The following MIOS variants were observed in gnomAD, a reference collection of about 807,000 sequenced individuals.
The protein encoded by MIOS is GATOR2 complex protein MIOS.
In MIOS, 52 loss-of-function variants were observed where a neutral mutation model predicts 96.9. The ratio of observed to expected loss-of-function variants is 0.54; its 90% CI spans 0.43 to 0.68. MIOS has a LOEUF of 0.68. Ranked by LOEUF, MIOS falls within the 30% of genes least tolerant of loss-of-function variation. MIOS has a pLI of 0.00. For synonymous variants in MIOS, 397 were observed against 359.5 expected (o/e 1.10, Z -1.18); for missense variants, 1,005 against 1,052.8 (o/e 0.95, Z 0.63).
At position 7,572,823 on chromosome 7, in the gene MIOS, T is replaced by A; in HGVS notation, c.348T>A (p.Cys116Ter). 1 of 1,614,176 alleles carries A rather than the reference T, an allele frequency of 6.2e-7. No homozygotes were observed. The highest frequency in any genetic ancestry group is 8.5e-7 in the Non-Finnish European group (1 of 1,179,992). The change falls in exon 4 of 13, where the codon TGT becomes TGA. Residue 116 changes from cysteine (C) to a stop codon, truncating the protein, a stop_gained. Transcript: ENST00000340080. LOFTEE classifies it high-confidence loss of function. This position sits in a 1 kb window ranked among gnomAD's most constrained non-coding sequence, Gnocchi z 4.8. ...KEFVPKHARQ[C>*]NTLAWNPLDS... ...TTGTTCCAAAACATGCACGACAATG[T>A]AATACCCTTGCCTGGAATCCACTGG...
At chr7:7,582,981 T>G in intron 5 of MIOS, 137 bp from the exon 6 acceptor site, 2 of 986,494 alleles carry the variant, frequency 2.0e-6, no homozygotes, top group Non-Finnish European at 2.9e-6. Flanking sequence ...TGTGGCATAG[T>G]TCATATTTAC....
rs372634070 is a variant in MIOS, at chr7:7,597,517, T to TAAATAAAA, written c.2401+1056_2401+1057insAAATAAAA. Among the ~76,000 whole-genome samples the TAAATAAAA allele has an allele frequency of 2.8e-5, 2 of 70,428 alleles. 1 individual carries two copies. The highest frequency in any genetic ancestry group is 5.5e-5 in the Non-Finnish European group (2 of 36,506). 46.2% of individuals were successfully genotyped at this position (70,428 alleles called of 152,430 possible). A position where few individuals can be genotyped will look rare whatever the true frequency, so the allele number is the denominator to read the frequency against. On this transcript the variant is annotated intron_variant, in intron 11 of 12. Transcript: ENST00000340080. ...ATATATATATATATATATATATATATGAAGGCAATACGTAATGTTTTAAAT... is the reference window on the plus strand; with the variant it reads ...ATATATATATATATATATATATATATAAATAAAAGAAGGCAATACGTAATGTTTTAAAT...
chr7:7,580,434 G>C (rs1352241174), intron 5 of MIOS, among the ~76,000 whole-genome samples: 3 of 152,034 alleles, frequency 2.0e-5, no homozygotes, highest in Non-Finnish European at 2.9e-5. Flanking sequence ...GACCTGAATT[G>C]GCAATAGTTT....
chr7:7,576,224 A>G (rs1783526775), intron 5 of MIOS, among the ~76,000 whole-genome samples: 1 of 152,216 alleles, frequency 6.6e-6, no homozygotes, highest in African/African-American at 2.4e-5. Flanking sequence ...TTCAGCAAGT[A>G]TTTATTACCT....
intron 5 of MIOS, 65 bp from the exon 6 acceptor site, chr7:7,583,053 A>G: frequency 6.7e-7 from 1 of 1,487,660 alleles, no homozygotes; most frequent in Non-Finnish European, 9.0e-7. Flanking sequence ...AGTTCTCTGT[A>G]AAACTGACTT....
At chr7:7,581,179 G>A (rs780157297) in intron 5 of MIOS, among the ~76,000 whole-genome samples, 5 of 151,384 alleles carry the variant, frequency 3.3e-5, no homozygotes, top group South Asian at 4.2e-4. Context: ...AAAATTAGCC[G>A]GGTGTGGTGG....
In MIOS at chr7:7,572,658, C is replaced by A; in HGVS notation, c.183C>A (p.Pro61=). Residue 61 remains proline (P), a synonymous_variant, in exon 4 of 13, where the codon CCC becomes CCA. Transcript: ENST00000340080. This position sits in a 1 kb window ranked among gnomAD's most constrained non-coding sequence, Gnocchi z 4.8. The stretch of plus-strand genomic sequence containing the variant: ...TACTGTCAATAAATTCAGATACACC[C>A]TATATGAAATGTGTTGCCTGGTATC... The part of the protein sequence containing the change: ...ATLLSINSDT[P]YMKCVAWYLN... The A allele has an allele frequency of 6.2e-7, 1 of 1,614,088 alleles. No homozygotes were observed.
chr7:7,589,420 GA>G lies in MIOS; in HGVS notation c.1904del (p.Lys635SerfsTer2). 6.2e-7 allele frequency: 1 copy of G among 1,613,122 alleles called. No individual in the cohort carries two copies. The highest frequency in any genetic ancestry group is 8.5e-7 in the Non-Finnish European group (1 of 1,179,410). On this transcript the variant is annotated frameshift_variant, in exon 9 of 13. Coordinates refer to ENST00000340080, the MANE Select transcript of MIOS (RefSeq NM_019005.4). ...LSDTQLNRYI[E>X]KLTNEMKEAG... ...AATTTTCCAGTTAAATAGATACATC[GA>G]AAAGTTGACCAATGAAATGAAAGAG...
At chr7:7,583,511 C>A in intron 6 of MIOS, 139 bp downstream of exon 6, 1 of 981,902 alleles carries the variant, frequency 1.0e-6, no homozygotes, top group Non-Finnish European at 1.4e-6. Context: ...GAGGAGAAAA[C>A]ACAGCAGTAT....
In MIOS at chr7:7,597,153, C is replaced by T. The variant is rs188630638; in HGVS notation, c.2401+692C>T. ...CATCCTGGCAAACATCGTGAAACCT[C>T]GTCTCTACTAAAAATACAAAAAATT... On this transcript the variant is annotated intron_variant, in intron 11 of 12. Coordinates refer to ENST00000340080, the MANE Select transcript of MIOS (RefSeq NM_019005.4). Among the ~76,000 whole-genome samples the T allele has an allele frequency of 3.0e-3, 457 of 151,886 alleles. 2 individuals are homozygous for T. Among genetic ancestry groups the T allele is most frequent in the African/African-American group, 0.011 (438 of 41,414 alleles).
At chr7:7,579,162 T>A (rs946815766) in intron 5 of MIOS, among the ~76,000 whole-genome samples, 1 of 152,214 alleles carries the variant, frequency 6.6e-6, no homozygotes, top group South Asian at 2.1e-4. Flanking sequence ...ATATTTTACT[T>A]CGTTTTCAGA....
intron 6 of MIOS, among the ~76,000 whole-genome samples, chr7:7,583,935 A>C (rs1414470525): frequency 6.6e-6 from 1 of 152,020 alleles, no homozygotes; most frequent in Non-Finnish European, 1.5e-5. Context: ...AGGTTTTTTT[A>C]CTCTGGCATT....
In MIOS at chr7:7,608,635, T is replaced by G. The variant is rs1784591719; in HGVS notation, c.*1543T>G. 6.6e-6 allele frequency: 1 copy of G among 152,086 alleles called. No individual in the cohort carries two copies. The highest frequency in any genetic ancestry group is 1.5e-5 in the Non-Finnish European group (1 of 67,944). The allele number at this position is 152,086 out of a possible 1,614,324, so 9.4% of individuals were successfully genotyped here. ...TGAGTAAATCTTAATTGATTTCATT[T>G]TATTAACATATACCCTTTACCTTTA... On this transcript the variant is annotated 3_prime_UTR_variant, in exon 13 of 13. Coordinates refer to ENST00000340080, the MANE Select transcript of MIOS (RefSeq NM_019005.4).
chr7:7,581,232 C>T (rs1010183294), intron 5 of MIOS, among the ~76,000 whole-genome samples: 4 of 140,454 alleles, frequency 2.8e-5, no homozygotes, highest in Admixed American at 6.9e-5. Context: ...ACCTGGGAGG[C>T]GGAGGTTGCA....
chr7:7,583,809 T>C (rs1783802839), intron 6 of MIOS, among the ~76,000 whole-genome samples: 1 of 152,336 alleles, frequency 6.6e-6, no homozygotes, highest in Non-Finnish European at 1.5e-5. Flanking sequence ...GAATGACACT[T>C]TTATTTAGGC....
chr7:7,575,379 T>C (rs568437332), intron 5 of MIOS, among the ~76,000 whole-genome samples: 2 of 152,282 alleles, frequency 1.3e-5, no homozygotes, highest in Non-Finnish European at 2.9e-5. Context: ...GACTACTTAC[T>C]GATCAGTTTG....
In MIOS at chr7:7,583,272, A is replaced by G; in HGVS notation, c.1548A>G (p.Val516=). ...VDVGPFLNSL[V]QEGEWERAAA... is the part of the protein sequence containing the mutation. ...TGGGGCCATTTTTGAACTCCCTTGT[A>G]CAAGAAGGGGAATGGGAAAGAGCTG... Residue 516 remains valine (V), a synonymous_variant, in exon 6 of 13, where the codon GTA becomes GTG. Transcript: ENST00000340080. The G allele has an allele frequency of 1.9e-6, 3 of 1,614,156 alleles. No individual in the cohort carries two copies. The highest frequency in any genetic ancestry group is 2.2e-5 in the East Asian group (1 of 44,868).
chr7:7,596,474 T>G lies in MIOS; in HGVS notation c.2401+13T>G. On this transcript the variant is annotated intron_variant, in intron 11 of 12. Transcript: ENST00000340080. Reference sequence around the variant, plus strand: ...TCTAGCTGTCCTGGTATGACATAATTTTACAAAATACTTTTATGAACTGAA... The same window carrying G: ...TCTAGCTGTCCTGGTATGACATAATGTTACAAAATACTTTTATGAACTGAA... The G allele has an allele frequency of 6.2e-7, 1 of 1,603,930 alleles. No individual in the cohort carries two copies. Among genetic ancestry groups the G allele is most frequent in the Non-Finnish European group, 8.5e-7 (1 of 1,171,500 alleles).
rs200487651 is a variant in MIOS, at chr7:7,597,689, TTTTG to T, written c.2401+1244_2401+1247del. Among the ~76,000 whole-genome samples, 647 of 151,486 alleles carry T rather than the reference TTTTG, an allele frequency of 4.3e-3. 3 individuals carry two copies. Among genetic ancestry groups the T allele is most frequent in the African/African-American group, 0.015 (604 of 41,302 alleles). On this transcript the variant is annotated intron_variant, in intron 11 of 12. Coordinates refer to ENST00000340080, the MANE Select transcript of MIOS (RefSeq NM_019005.4). ...ATATACACACACACACAGTGTTCGT[TTTTG>T]TTTGTTTGTTTGTTTTGTTTTTTGA... is the stretch of plus-strand genomic sequence containing the variant.
Sources: gnomAD v4.1 joint callset for allele counts (sites outside exome capture counted in the v4.1 genomes callset) on GRCh38, gnomAD v4.1.1 for gene constraint, Gnocchi (gnomAD v3.1) non-coding constraint, MANE v1.5 for transcripts, NCBI Gene and HGNC (gene_info 2026-07-23, HGNC 2026-07-21) for gene names.